Variants in NALCN observed in about 807,000 individuals in gnomAD.
NALCN encodes sodium leak channel NALCN.
A neutral mutation model predicts 225.3 loss-of-function variants in NALCN; 111 were observed. That is an observed-to-expected ratio of 0.49 (90% CI 0.42 to 0.58). NALCN has a LOEUF of 0.58. Among genes scored for constraint, NALCN ranks in the 20% least tolerant of loss-of-function variants. NALCN has a pLI of 0.00. For missense variants in NALCN, 1,378 were observed against 2,202.4 expected (o/e 0.63, Z 7.49); for synonymous variants, 764 against 769.0 (o/e 0.99, Z 0.11).
chr13:101,284,117 T>C, intron 9 of NALCN, 98 bp from the exon 10 acceptor site: 3 of 1,020,078 alleles, frequency 2.9e-6, no homozygotes, highest in Non-Finnish European at 4.2e-6. Flanking sequence ...TATCAAAAAT[T>C]TGTCTTCTTA....
chr13:101,107,504 G>C lies in NALCN; in HGVS notation c.2562C>G (p.Val854=). 1 of 1,614,100 alleles carries C rather than the reference G, an allele frequency of 6.2e-7. No homozygotes were observed. The highest frequency in any genetic ancestry group is 8.5e-7 in the Non-Finnish European group (1 of 1,179,982). The change falls in exon 22 of 44, where the codon GTC becomes GTG. Residue 854 remains valine (V), a synonymous_variant. Transcript: ENST00000251127. ...HRFRNFCRVV[V]RARFNASKTD... The stretch of plus-strand genomic sequence containing the variant: ...GTACTTACGCGTTGAAGCGTGCTCG[G>C]ACCACCACCCGGCAAAAGTTTCTGA...
At chr13:101,120,644 A>G (rs1248264816) in intron 18 of NALCN, among the ~76,000 whole-genome samples, 1 of 152,254 alleles carries the variant, frequency 6.6e-6, no homozygotes, top group East Asian at 1.9e-4. Flanking sequence ...AGAGGACAAC[A>G]TAAGGTCACC....
chr13:101,086,495 T>C (rs1477389337), intron 30 of NALCN, among the ~76,000 whole-genome samples: 2 of 152,048 alleles, frequency 1.3e-5, no homozygotes, highest in African/African-American at 2.4e-5. Flanking sequence ...TTTGTTTTTG[T>C]TTTCATTATG....
intron 14 of NALCN, among the ~76,000 whole-genome samples, chr13:101,191,110 A>G (rs1354798308): frequency 6.6e-6 from 1 of 152,208 alleles, no homozygotes; most frequent in Non-Finnish European, 1.5e-5. Flanking sequence ...AAACAATAGT[A>G]GCAGTTGTAT....
At chr13:101,285,485 T>TTA (rs1442859607) in intron 9 of NALCN, among the ~76,000 whole-genome samples, 1 of 151,826 alleles carries the variant, frequency 6.6e-6, no homozygotes, top group African/African-American at 2.4e-5. Flanking sequence ...TTTTTTTTTT[T>TTA]ACTAGACAGA....
chr13:101,126,473 T>C (rs2036235764), intron 17 of NALCN, among the ~76,000 whole-genome samples: 1 of 151,276 alleles, frequency 6.6e-6, no homozygotes, highest in Admixed American at 6.6e-5. Flanking sequence ...TCTCCCCTCC[T>C]GAAAGAGTTG....
intron 13 of NALCN, among the ~76,000 whole-genome samples, chr13:101,198,594 C>T (rs1037394605): frequency 4.6e-5 from 7 of 152,174 alleles, no homozygotes; most frequent in Non-Finnish European, 8.8e-5. Context: ...TAATGAGATA[C>T]TATCTCACAC....
intron 7 of NALCN, among the ~76,000 whole-genome samples, chr13:101,334,857 A>G (rs1295812011): frequency 6.6e-6 from 1 of 152,120 alleles, no homozygotes; most frequent in African/African-American, 2.4e-5. Context: ...CATACCATGA[A>G]ACTTACAGAG....
chr13:101,288,827 G>A (rs1366118402), intron 9 of NALCN, among the ~76,000 whole-genome samples: 1 of 152,214 alleles, frequency 6.6e-6, no homozygotes, highest in African/African-American at 2.4e-5. Flanking sequence ...AAGTAGCCTT[G>A]TGTGGCTCTA....
intron 11 of NALCN, among the ~76,000 whole-genome samples, chr13:101,255,834 C>T (rs497475): frequency 0.88 from 134,557 of 152,112 alleles, 61,639 homozygotes; most frequent in Non-Finnish European, 0.99. Context: ...TCTAGTAGAA[C>T]ATGTAGACGA....
intron 3 of NALCN, among the ~76,000 whole-genome samples, chr13:101,383,179 C>A (rs1224994276): frequency 2.0e-5 from 3 of 152,154 alleles, no homozygotes; most frequent in African/African-American, 7.2e-5. Context: ...AGTGATCTGA[C>A]TACAGCCTCC....
chr13:101,286,632 CT>C (rs969287879), intron 9 of NALCN, among the ~76,000 whole-genome samples: 4 of 152,068 alleles, frequency 2.6e-5, no homozygotes, highest in Admixed American at 6.6e-5. Flanking sequence ...TTATTTTGGG[CT>C]TTTTTGTCCC....
rs1282320589 is a variant in NALCN, at chr13:101,232,698, G to A, written c.1435-3114C>T. The stretch of plus-strand genomic sequence containing the variant: ...CCTGACCTCGTGATCCGCCTGCCTC[G>A]GCCTCCCAAAGTGCTGGGATTACAG... On this transcript the variant is annotated intron_variant, in intron 12 of 43. Coordinates refer to ENST00000251127, the MANE Select transcript of NALCN (RefSeq NM_052867.4). Among the ~76,000 whole-genome samples, 10 of 151,832 alleles carry A rather than the reference G, an allele frequency of 6.6e-5. No individual in the cohort carries two copies. The East Asian group carries it at 7.8e-4, about 12-fold the overall frequency.
At chr13:101,171,855 CA>C (rs2038739109) in intron 15 of NALCN, among the ~76,000 whole-genome samples, 1 of 152,102 alleles carries the variant, frequency 6.6e-6, no homozygotes, top group South Asian at 2.1e-4. Flanking sequence ...CTCGATTAAG[CA>C]ATAAGAAATT....
chr13:101,083,540 T>C (rs2033772438), intron 31 of NALCN, among the ~76,000 whole-genome samples, 171 bp downstream of exon 31: 1 of 152,192 alleles, frequency 6.6e-6, no homozygotes, highest in South Asian at 2.1e-4. Flanking sequence ...CTTTGGGTGG[T>C]TGATTTTAAT....
intron 10 of NALCN, among the ~76,000 whole-genome samples, chr13:101,271,014 C>T (rs1305683839): frequency 6.6e-6 from 1 of 152,146 alleles, no homozygotes; most frequent in African/African-American, 2.4e-5. Context: ...TAATTGTAAA[C>T]ATTCAAGAGT....
chr13:101,108,870 C>A (rs1203287498), intron 20 of NALCN, among the ~76,000 whole-genome samples: 2 of 152,158 alleles, frequency 1.3e-5, no homozygotes, highest in Non-Finnish European at 2.9e-5. Flanking sequence ...TAATTTAAAT[C>A]TCCCCTTTGT....
intron 6 of NALCN, among the ~76,000 whole-genome samples, chr13:101,348,272 T>A (rs1452680228): frequency 6.6e-6 from 1 of 152,176 alleles, no homozygotes; most frequent in African/African-American, 2.4e-5. Context: ...GACTTAAGCA[T>A]GCTTTAGTTT....
At chr13:101,151,183 T>G (rs970295) in intron 15 of NALCN, among the ~76,000 whole-genome samples, 120,524 of 152,228 alleles carry the variant, frequency 0.79, 48,119 homozygotes, top group East Asian at 0.99. Flanking sequence ...GCGGCTGAAA[T>G]CCTCTGCTTT....
Sources: allele counts gnomAD v4.1 joint callset (sites outside exome capture counted in the v4.1 genomes callset), GRCh38; gene constraint gnomAD v4.1.1; transcripts MANE v1.5; gene names NCBI Gene and HGNC (gene_info 2026-07-23, HGNC 2026-07-21).